COL4A2: variants seen among roughly 807,000 people sequenced by gnomAD.
COL4A2 encodes collagen type IV alpha 2 chain, also known as collagen alpha-2(IV) chain.
A neutral mutation model predicts 200.2 loss-of-function variants in COL4A2; 99 were observed. That is an observed-to-expected ratio of 0.49 (90% confidence interval 0.42 to 0.58). The LOEUF (loss-of-function observed/expected upper bound fraction) is 0.58, where lower values mean the gene tolerates loss of function less well. COL4A2 is among the 20% of genes least tolerant of loss of function. COL4A2 has a pLI of 0.00. For missense variants in COL4A2, 1,950 were observed against 2,314.1 expected (o/e 0.84, Z 3.23); for synonymous variants, 897 against 900.6 (o/e 1.00, Z 0.07).
At chr13:110,362,129 C>G (rs1340493041) in intron 4 of COL4A2, among the ~76,000 whole-genome samples, 1 of 152,212 alleles carries the variant, frequency 6.6e-6, no homozygotes, top group Non-Finnish European at 1.5e-5. Flanking sequence ...AGTTTCCCCT[C>G]GTTATGCAAG....
At chr13:110,410,832 G>A (rs1431998485) in intron 4 of COL4A2, among the ~76,000 whole-genome samples, 1 of 152,152 alleles carries the variant, frequency 6.6e-6, no homozygotes, top group African/African-American at 2.4e-5. Flanking sequence ...TGTGGTCATA[G>A]AACTGGCAGA....
chr13:110,375,124 T>TA (rs1878181661), intron 4 of COL4A2, among the ~76,000 whole-genome samples: 1 of 152,226 alleles, frequency 6.6e-6, no homozygotes, highest in African/African-American at 2.4e-5. Flanking sequence ...TGAGATGCGA[T>TA]ACTTCTCGCC....
At chr13:110,486,391 C>T (rs985034201) in intron 34 of COL4A2, among the ~76,000 whole-genome samples, 7 of 152,198 alleles carry the variant, frequency 4.6e-5, no homozygotes, top group African/African-American at 1.7e-4. Context: ...GTAGTAGCTA[C>T]CTTGCAGTTT....
chr13:110,325,304 G>A (rs1885378293), intron 3 of COL4A2, among the ~76,000 whole-genome samples: 1 of 152,166 alleles, frequency 6.6e-6, no homozygotes, highest in South Asian at 2.1e-4. Context: ...GAAGTCAAAA[G>A]CACATTCCTC....
At chr13:110,489,652 A>G in intron 35 of COL4A2, 59 bp from the exon 36 acceptor site, 1 of 1,610,264 alleles carries the variant, frequency 6.2e-7, no homozygotes, top group Non-Finnish European at 8.5e-7. Context: ...AGAAGTTGCA[A>G]AACTCACAAA....
At chr13:110,432,415 GGTTT>G (rs1001305677) in intron 11 of COL4A2, 55 bp downstream of exon 11, 166 of 1,543,156 alleles carry the variant, frequency 1.1e-4, no homozygotes, top group African/African-American at 8.0e-4. Flanking sequence ...GGTGTTTGTG[GGTTT>G]GTTTGTTTTT....
intron 40 of COL4A2, among the ~76,000 whole-genome samples, chr13:110,501,358 G>C (rs1395973621): frequency 6.6e-6 from 1 of 152,198 alleles, no homozygotes; most frequent in Non-Finnish European, 1.5e-5. Flanking sequence ...TGGTGCTGAG[G>C]CTCCATCTAA....
intron 4 of COL4A2, among the ~76,000 whole-genome samples, chr13:110,372,126 G>A (rs1296666350): frequency 2.6e-5 from 4 of 152,102 alleles, no homozygotes; most frequent in African/African-American, 7.2e-5. Context: ...ATGAACAACT[G>A]GGTATTTTGA....
At chr13:110,317,218 C>T (rs1484093517) in intron 3 of COL4A2, among the ~76,000 whole-genome samples, 1 of 151,380 alleles carries the variant, frequency 6.6e-6, no homozygotes, top group Non-Finnish European at 1.5e-5. Context: ...GTGCACCCCA[C>T]ACACACAGAC....
intron 4 of COL4A2, among the ~76,000 whole-genome samples, chr13:110,393,096 G>GGT (rs942802461): frequency 2.6e-5 from 4 of 152,204 alleles, no homozygotes; most frequent in African/African-American, 9.7e-5. Flanking sequence ...GGCCCACGGT[G>GGT]GTGCTGAAGG....
intron 4 of COL4A2, among the ~76,000 whole-genome samples, chr13:110,415,789 G>A (rs1054542542): frequency 6.6e-6 from 1 of 152,188 alleles, no homozygotes; most frequent in Non-Finnish European, 1.5e-5. Flanking sequence ...CCACCCACAC[G>A]CCTTTCCTCT....
chr13:110,469,190 T>A (rs1235143441), intron 27 of COL4A2, 27 bp from the exon 28 acceptor site: 1 of 1,561,506 alleles, frequency 6.4e-7, no homozygotes, highest in Admixed American at 1.9e-5. Flanking sequence ...GAGCCTGATG[T>A]GGTTTGTGGT....
chr13:110,330,885 G>C (rs773967434), intron 3 of COL4A2, among the ~76,000 whole-genome samples: 2 of 152,102 alleles, frequency 1.3e-5, no homozygotes, highest in Non-Finnish European at 1.5e-5. Flanking sequence ...CTCTCTAAAT[G>C]GTTTGGTAAT....
intron 37 of COL4A2, among the ~76,000 whole-genome samples, 194 bp downstream of exon 37, chr13:110,491,534 C>A (rs540301492): frequency 1.3e-5 from 2 of 152,304 alleles, no homozygotes; most frequent in East Asian, 3.9e-4. Flanking sequence ...GGGGGGAGAC[C>A]TGAGAATTGG....
intron 34 of COL4A2, among the ~76,000 whole-genome samples, chr13:110,486,268 C>G (rs1883116082): frequency 6.6e-6 from 1 of 152,206 alleles, no homozygotes; most frequent in African/African-American, 2.4e-5. Flanking sequence ...CAGCGGATGT[C>G]TGTTGAGCAC....
rs764619902 is a variant in COL4A2, at chr13:110,429,897, C to G, written c.490C>G (p.Pro164Ala). The change falls in exon 8 of 48, where the codon CCA becomes GCA. Residue 164 changes from proline to alanine, a missense_variant. Physicochemically the swap from Pro to Ala is conservative, Grantham distance 27 (BLOSUM62 -1). Coordinates refer to ENST00000360467, the MANE Select transcript of COL4A2 (RefSeq NM_001846.4). ...ATCTGCTAATTAGGGGCCCCAAGGA[C>G]CAAAAGGGCAGAAAGGTGAGCCTTA... The part of the protein sequence containing the change: ...GFTGPPGPQG[P>A]KGQKGEPYAL... 6.2e-7 allele frequency: 1 copy of G among 1,612,660 alleles called. No individual in the cohort carries two copies. The highest frequency in any genetic ancestry group is 8.5e-7 in the Non-Finnish European group (1 of 1,179,516).
chr13:110,424,844 A>T lies in COL4A2; in HGVS notation c.291A>T (p.Gly97=). ...KGDKGERGAP[G]VTGPKGDVGA... ...ACAAGGGTGAAAGGGGAGCCCCCGG[A>T]GTAACGGGACCCAAGGGCGACGTGG... The change falls in exon 5 of 48, where the codon GGA becomes GGT. Residue 97 remains glycine, a synonymous_variant. Transcript: ENST00000360467. 5.0e-6 allele frequency: 8 copies of T among 1,614,102 alleles called. No homozygotes were observed. The highest frequency in any genetic ancestry group is 6.8e-6 in the Non-Finnish European group (8 of 1,179,972).
chr13:110,393,611 G>A (rs947703399), intron 4 of COL4A2, among the ~76,000 whole-genome samples: 1 of 151,388 alleles, frequency 6.6e-6, no homozygotes, highest in South Asian at 2.1e-4. Context: ...AGGCCCGGTG[G>A]CTCACACCTG....
chr13:110,363,715 T>A (rs552960597), intron 4 of COL4A2, among the ~76,000 whole-genome samples: 10 of 152,268 alleles, frequency 6.6e-5, no homozygotes, highest in African/African-American at 2.2e-4. Flanking sequence ...AAAGGCATCT[T>A]CTATTGTGTA....
Sources: gnomAD v4.1 joint callset for allele counts (sites outside exome capture counted in the v4.1 genomes callset) on GRCh38, gnomAD v4.1.1 for gene constraint, MANE v1.5 for transcripts, NCBI Gene and HGNC (gene_info 2026-07-23, HGNC 2026-07-21) for gene names.